The following GRAMD1B variants were observed in gnomAD, a reference collection of about 807,000 sequenced individuals.
The protein encoded by GRAMD1B is protein Aster-B.
Under a neutral mutation model 99.7 loss-of-function variants are expected in GRAMD1B, and 37 were observed. The ratio of observed to expected loss-of-function variants is 0.37; its 90% CI spans 0.29 to 0.49. The LOEUF is 0.49. GRAMD1B is among the 20% of genes least tolerant of loss of function. GRAMD1B has a pLI of 0.98. For missense variants in GRAMD1B, 888 were observed against 1,009.2 expected (o/e 0.88, Z 1.63); for synonymous variants, 427 against 387.6 (o/e 1.10, Z -1.19).
In GRAMD1B at chr11:123,492,416, G is replaced by A. The variant is rs73612095; in HGVS notation, c.452+11523G>A. The stretch of plus-strand genomic sequence containing the variant: ...TGTGTGTTCATTTCTATATCACCTC[G>A]TCGGGCACTTTGGTCTGACTCCAGA... On this transcript the variant is annotated intron_variant, in intron 2 of 19. Coordinates refer to ENST00000635736, the MANE Select transcript of GRAMD1B (RefSeq NM_001387025.1). This position sits in a 1 kb window ranked among gnomAD's most constrained non-coding sequence, Gnocchi z 4.2. Among the ~76,000 whole-genome samples the A allele has an allele frequency of 0.017, 2,527 of 152,168 alleles. 77 individuals carry two copies. The highest frequency in any genetic ancestry group is 0.057 in the African/African-American group (2,350 of 41,516).
chr11:123,535,469 A>G (rs1943871873), intron 2 of GRAMD1B, among the ~76,000 whole-genome samples: 1 of 152,154 alleles, frequency 6.6e-6, no homozygotes, highest in Non-Finnish European at 1.5e-5. Flanking sequence ...AGCTGGTAGG[A>G]ATCGGTAGCT....
At chr11:123,551,956 C>T (rs1945655593) in intron 2 of GRAMD1B, among the ~76,000 whole-genome samples, 1 of 152,192 alleles carries the variant, frequency 6.6e-6, no homozygotes, top group Admixed American at 6.5e-5. Context: ...CACTGACTTC[C>T]ATAGAATCAT....
intron 2 of GRAMD1B, among the ~76,000 whole-genome samples, chr11:123,486,827 G>T (rs76512244): frequency 6.6e-6 from 1 of 152,074 alleles, no homozygotes; most frequent in Non-Finnish European, 1.5e-5. Flanking sequence ...CCCAGCAATC[G>T]GGGAAGCCGA....
rs116337208 is a variant in GRAMD1B at position 123,491,401 on chromosome 11, G to C, written c.452+10508G>C. ...TCCCCATGGACTCACGGACATTCCC[G>C]TGATCCCTTACCATGGGGAGAGAGC... On this transcript the variant is annotated intron_variant, in intron 2 of 19. Transcript: ENST00000635736. Among the ~76,000 whole-genome samples, 243 of 152,176 alleles carry C rather than the reference G, an allele frequency of 1.6e-3. 2 individuals carry two copies. The highest frequency in any genetic ancestry group is 5.4e-3 in the African/African-American group (226 of 41,516).
At chr11:123,538,904 C>T (rs1944231674) in intron 2 of GRAMD1B, among the ~76,000 whole-genome samples, 2 of 150,486 alleles carry the variant, frequency 1.3e-5, no homozygotes, top group South Asian at 2.2e-4. Flanking sequence ...GCCGGGATTA[C>T]AGGTGTGAGC....
intron 1 of GRAMD1B, among the ~76,000 whole-genome samples, chr11:123,450,740 A>G (rs886959053): frequency 5.9e-5 from 9 of 152,128 alleles, no homozygotes; most frequent in Non-Finnish European, 1.3e-4. Flanking sequence ...TTGTGTGGGC[A>G]CTTTGGAATG....
At chr11:123,533,405 T>TTTTA (rs569720668) in intron 2 of GRAMD1B, among the ~76,000 whole-genome samples, 9 of 152,092 alleles carry the variant, frequency 5.9e-5, no homozygotes, top group East Asian at 5.8e-4. Context: ...TCACTCTATA[T>TTTTA]TTTATTTATT....
chr11:123,589,134 C>T lies in GRAMD1B; in HGVS notation c.684+4802C>T, dbSNP rs535659695. Reference sequence around the variant, plus strand: ...GGTCAGGTGTGGAGTCTTCTGCTTGCGGCATCATGTTGGGGCTCAAAGGGT... The same window carrying T: ...GGTCAGGTGTGGAGTCTTCTGCTTGTGGCATCATGTTGGGGCTCAAAGGGT... On this transcript the variant is annotated intron_variant, in intron 4 of 19. Transcript: ENST00000635736. Among the ~76,000 whole-genome samples, 62 of 151,426 alleles carry T rather than the reference C, an allele frequency of 4.1e-4. No homozygotes were observed. In the Middle Eastern group the frequency reaches 0.014, roughly 33 times the overall value.
chr11:123,565,877 T>C (rs140573281), intron 2 of GRAMD1B, among the ~76,000 whole-genome samples: 145 of 152,346 alleles, frequency 9.5e-4, no homozygotes, highest in African/African-American at 3.4e-3. Flanking sequence ...AAGGAAATTA[T>C]ACAACACCAG....
At chr11:123,391,502 G>C (rs1169869478) in intron 1 of GRAMD1B, among the ~76,000 whole-genome samples, 1 of 152,170 alleles carries the variant, frequency 6.6e-6, no homozygotes, top group Non-Finnish European at 1.5e-5. Context: ...TGTCACCCAG[G>C]CTGGAGTGCA....
intron 2 of GRAMD1B, among the ~76,000 whole-genome samples, chr11:123,482,596 A>G (rs1591665021): frequency 6.6e-6 from 1 of 152,210 alleles, no homozygotes; most frequent in East Asian, 1.9e-4. Context: ...GAAAGTTTTT[A>G]ATTCATTCAT....
At chr11:123,468,284 G>A (rs1052952430) in intron 1 of GRAMD1B, among the ~76,000 whole-genome samples, 1 of 152,204 alleles carries the variant, frequency 6.6e-6, no homozygotes, top group Non-Finnish European at 1.5e-5. Context: ...CTCAGTGGAA[G>A]TGGAGACTTT....
At chr11:123,519,230 C>A (rs1941963026) in intron 2 of GRAMD1B, among the ~76,000 whole-genome samples, 1 of 152,210 alleles carries the variant, frequency 6.6e-6, no homozygotes, top group South Asian at 2.1e-4. Flanking sequence ...GAGGCCAATG[C>A]CTGCAGCCCA....
At chr11:123,573,171 A>C (rs537211472) in intron 2 of GRAMD1B, among the ~76,000 whole-genome samples, 96 of 139,322 alleles carry the variant, frequency 6.9e-4, no homozygotes, top group Non-Finnish European at 1.1e-3. Flanking sequence ...CTGGGGCAGG[A>C]GCTCAGTTAG....
chr11:123,442,508 G>C (rs979925464), intron 1 of GRAMD1B, among the ~76,000 whole-genome samples: 2 of 152,322 alleles, frequency 1.3e-5, no homozygotes. Context: ...GGTGGCTCAT[G>C]CCTATAATCC....
chr11:123,618,303 A>G, intron 17 of GRAMD1B: 1 of 1,593,730 alleles, frequency 6.3e-7, no homozygotes, highest in Non-Finnish European at 8.6e-7. Context: ...GCCTGTTTCT[A>G]ACCTCTGCCT....
At chr11:123,384,624 T>C (rs926805050) in intron 1 of GRAMD1B, among the ~76,000 whole-genome samples, 1 of 152,218 alleles carries the variant, frequency 6.6e-6, no homozygotes, top group Non-Finnish European at 1.5e-5. Context: ...TTATTCTCAC[T>C]ACTGAACCCA....
At chr11:123,551,378 C>G (rs890131533) in intron 2 of GRAMD1B, among the ~76,000 whole-genome samples, 27 of 152,106 alleles carry the variant, frequency 1.8e-4, no homozygotes, top group African/African-American at 6.5e-4. Flanking sequence ...CATGCCCAGG[C>G]GAAACCTCTA....
chr11:123,500,649 AT>A (rs1463602940), intron 2 of GRAMD1B, among the ~76,000 whole-genome samples: 1 of 152,154 alleles, frequency 6.6e-6, no homozygotes, highest in Non-Finnish European at 1.5e-5. Context: ...TGGTATTATT[AT>A]TAAAATAATA....
Sources: gnomAD v4.1 joint callset for allele counts (sites outside exome capture counted in the v4.1 genomes callset) on GRCh38, gnomAD v4.1.1 for gene constraint, Gnocchi (gnomAD v3.1) non-coding constraint, MANE v1.5 for transcripts, NCBI Gene and HGNC (gene_info 2026-07-23, HGNC 2026-07-21) for gene names.